The following SLC2A9 variants were observed in gnomAD, a reference collection of about 807,000 sequenced individuals.
SLC2A9 encodes the protein solute carrier family 2, facilitated glucose transporter member 9.
SLC2A9 carries 39 observed loss-of-function variants against 50.6 expected under a neutral mutation model. That is an observed-to-expected ratio of 0.77 (90% CI 0.60 to 1.01). The LOEUF (loss-of-function observed/expected upper bound fraction) is 1.01. Among genes scored for constraint, SLC2A9 ranks in the 50% least tolerant of loss-of-function variants. The probability of loss-of-function intolerance (pLI) is 0.00; values close to 1 mark genes in which losing one functional copy is unlikely to be tolerated. For missense variants in SLC2A9, 686 were observed against 677.6 expected, an observed-to-expected ratio of 1.01 and a Z score of -0.14; for synonymous variants, 324 against 276.9, an observed-to-expected ratio of 1.17 and a Z score of -1.69.
intron 3 of SLC2A9, among the ~76,000 whole-genome samples, chr4:9,804,011 TTTTAA>T (rs1393409522): frequency 6.6e-6 from 1 of 152,216 alleles, no homozygotes; most frequent in Non-Finnish European, 1.5e-5. Context: ...ATCAAGCACT[TTTTAA>T]TTTAACCATT....
intron 3 of SLC2A9, among the ~76,000 whole-genome samples, chr4:9,818,990 C>T (rs1162745401): frequency 6.6e-6 from 1 of 151,944 alleles, no homozygotes; most frequent in Admixed American, 6.6e-5. Context: ...GGTGTGGTGG[C>T]AGGTGCCTGT....
chr4:9,806,830 C>T (rs1014590103), intron 3 of SLC2A9, among the ~76,000 whole-genome samples: 48 of 152,214 alleles, frequency 3.2e-4, no homozygotes, highest in African/African-American at 1.1e-3. Flanking sequence ...GTGCCTGTGA[C>T]AGTCACTCAA....
intron 10 of SLC2A9, among the ~76,000 whole-genome samples, chr4:9,847,254 G>T (rs1288502818): frequency 6.6e-6 from 1 of 152,216 alleles, no homozygotes; most frequent in East Asian, 1.9e-4. Flanking sequence ...TTATGATCAT[G>T]GTGGAAAGGG....
At chr4:9,933,555 T>C (rs1488790159) in intron 6 of SLC2A9, among the ~76,000 whole-genome samples, 1 of 152,232 alleles carries the variant, frequency 6.6e-6, no homozygotes, top group Non-Finnish European at 1.5e-5. Flanking sequence ...ATTTCCTCGC[T>C]GAGTCTTAGT....
chr4:9,858,797 T>C (rs1054924928), intron 10 of SLC2A9, among the ~76,000 whole-genome samples: 1 of 152,102 alleles, frequency 6.6e-6, no homozygotes, highest in African/African-American at 2.4e-5. Flanking sequence ...CAAAGGAGAT[T>C]AACATTTGAG....
chr4:10,029,464 A>C (rs1578390379), intron 1 of SLC2A9, among the ~76,000 whole-genome samples: 1 of 152,088 alleles, frequency 6.6e-6, no homozygotes, highest in African/African-American at 2.4e-5. Context: ...AGGGGTTCTT[A>C]CCCTGGCTGT....
intron 3 of SLC2A9, among the ~76,000 whole-genome samples, chr4:9,987,558 T>C (rs1267403207): frequency 3.9e-5 from 6 of 152,140 alleles, no homozygotes; most frequent in African/African-American, 1.2e-4. Flanking sequence ...GGTTAAAAAA[T>C]TATTTTGCCC....
intron 10 of SLC2A9, chr4:9,880,386 G>A (rs2109626028): frequency 1.0e-6 from 1 of 985,542 alleles, no homozygotes; most frequent in Non-Finnish European, 1.2e-6. Context: ...ATTGGGAGGT[G>A]CAGGTGGCCT....
At chr4:10,017,190 G>A (rs116593628) in intron 2 of SLC2A9, among the ~76,000 whole-genome samples, 103 of 152,246 alleles carry the variant, frequency 6.8e-4, no homozygotes, top group Middle Eastern at 6.8e-3. Context: ...GTGAGTAATG[G>A]GATTCCTCCG....
chr4:9,886,280 A>T (rs905736072), intron 10 of SLC2A9, among the ~76,000 whole-genome samples: 6 of 152,254 alleles, frequency 3.9e-5, no homozygotes, highest in Admixed American at 3.3e-4. Flanking sequence ...TGTGATGCAG[A>T]TGCCCTGGAA....
intron 3 of SLC2A9, among the ~76,000 whole-genome samples, chr4:9,790,109 T>C (rs900617333): frequency 9.2e-5 from 14 of 152,210 alleles, no homozygotes; most frequent in Admixed American, 2.6e-4. Context: ...TAGTAAGTGA[T>C]AGAAGTGGGA....
chr4:9,840,064 C>T (rs182900241), intron 10 of SLC2A9, among the ~76,000 whole-genome samples: 16 of 152,206 alleles, frequency 1.1e-4, no homozygotes, highest in Admixed American at 1.0e-3. Flanking sequence ...TTTCCATTTA[C>T]TATACAAAGA....
At chr4:10,020,673 C>T (rs892892397) in intron 1 of SLC2A9, among the ~76,000 whole-genome samples, 2 of 152,186 alleles carry the variant, frequency 1.3e-5, no homozygotes, top group Non-Finnish European at 2.9e-5. Flanking sequence ...CTTCTGAGCC[C>T]CTGGGCTGTG....
At chr4:9,994,381 C>T (rs1758242232) in intron 3 of SLC2A9, among the ~76,000 whole-genome samples, 1 of 152,200 alleles carries the variant, frequency 6.6e-6, no homozygotes, top group Non-Finnish European at 1.5e-5. Flanking sequence ...CAAGCTGAAA[C>T]TTCAGCCCAA....
At chr4:9,913,328 T>TGAGAGAGA (rs1467124229) in intron 7 of SLC2A9, among the ~76,000 whole-genome samples, 5 of 136,614 alleles carry the variant, frequency 3.7e-5, no homozygotes, top group East Asian at 2.9e-4. Flanking sequence ...TGTGTGTGTG[T>TGAGAGAGA]GTGAGAGAGA....
At chr4:9,797,118 T>A (rs2108906885), downstream of SLC2A9, among the ~76,000 whole-genome samples, 1 of 152,300 alleles carries the variant, frequency 6.6e-6, no homozygotes, top group East Asian at 1.9e-4. Context: ...GAACCAGGGA[T>A]TCTAGAGATG....
intron 5 of SLC2A9, among the ~76,000 whole-genome samples, chr4:9,958,104 C>G (rs73227849): frequency 1.8e-4 from 28 of 152,304 alleles, no homozygotes; most frequent in Non-Finnish European, 3.5e-4. Flanking sequence ...TCAGATGCTA[C>G]AGGACACTGA....
At chr4:9,970,116 T>C (rs755171088) in intron 5 of SLC2A9, among the ~76,000 whole-genome samples, 2 of 152,118 alleles carry the variant, frequency 1.3e-5, no homozygotes, top group Non-Finnish European at 2.9e-5. Context: ...ACTGCCTCTG[T>C]GACACACACT....
At chr4:9,858,329 C>T (rs1233247432) in intron 10 of SLC2A9, among the ~76,000 whole-genome samples, 3 of 152,184 alleles carry the variant, frequency 2.0e-5, no homozygotes, top group Non-Finnish European at 2.9e-5. Context: ...CGCATTTCAA[C>T]ATTAGTGTCT....
Sources: allele counts gnomAD v4.1 joint callset (sites outside exome capture counted in the v4.1 genomes callset), GRCh38; gene constraint gnomAD v4.1.1; transcripts MANE v1.5; gene names NCBI Gene and HGNC (gene_info 2026-07-23, HGNC 2026-07-21).